PCDH15: variants seen among roughly 807,000 people sequenced by gnomAD.
PCDH15 encodes protocadherin-15.
In PCDH15, 129 loss-of-function variants were observed where a neutral mutation model predicts 178.5. The observed-to-expected ratio is 0.72, with a 90% CI of 0.63 to 0.84. The LOEUF is 0.84. PCDH15 is among the 40% of genes least tolerant of loss of function. The probability of loss-of-function intolerance (pLI) is 0.00; values close to 1 mark genes in which losing one functional copy is unlikely to be tolerated. For synonymous variants in PCDH15, 800 were observed against 732.0 expected, an observed-to-expected ratio of 1.09 and a Z score of -1.50; for missense variants, 2,230 against 2,099.9, an observed-to-expected ratio of 1.06 and a Z score of -1.21.
intron 2 of PCDH15, among the ~76,000 whole-genome samples, chr10:54,565,998 C>T (rs982388209): frequency 6.6e-6 from 1 of 152,112 alleles, no homozygotes; most frequent in Non-Finnish European, 1.5e-5. Context: ...GCAGTAGAAT[C>T]GTTTGAAACT....
chr10:54,502,141 T>C (rs962114852), intron 3 of PCDH15, among the ~76,000 whole-genome samples: 2 of 152,082 alleles, frequency 1.3e-5, no homozygotes, highest in Non-Finnish European at 2.9e-5. Flanking sequence ...AATTCAAACA[T>C]TTGGTCAAGC....
At chr10:54,381,064 GA>G (rs558098416) in intron 3 of PCDH15, among the ~76,000 whole-genome samples, 9 of 137,268 alleles carry the variant, frequency 6.6e-5, no homozygotes, top group African/African-American at 1.1e-4. Context: ...TTGCCAAAAA[GA>G]AAAAAAAAAG....
chr10:55,455,995 T>G (rs1380151437), intron 2 of PCDH15, among the ~76,000 whole-genome samples: 2 of 152,134 alleles, frequency 1.3e-5, no homozygotes, highest in Non-Finnish European at 1.5e-5. Context: ...CTTGATTTAG[T>G]ATTATAACAG....
intron 25 of PCDH15, among the ~76,000 whole-genome samples, chr10:53,912,159 C>T (rs771966688): frequency 3.9e-5 from 6 of 152,126 alleles, no homozygotes; most frequent in African/African-American, 7.2e-5. Flanking sequence ...AATCAATAAA[C>T]GTAATCCATC....
intron 25 of PCDH15, among the ~76,000 whole-genome samples, chr10:53,911,351 G>C (rs953436955): frequency 6.6e-6 from 1 of 152,174 alleles, no homozygotes; most frequent in Non-Finnish European, 1.5e-5. Context: ...ACCTGCTCCT[G>C]AACGACTACT....
At chr10:55,518,779 C>A (rs1010369433) in intron 2 of PCDH15, among the ~76,000 whole-genome samples, 9 of 151,888 alleles carry the variant, frequency 5.9e-5, no homozygotes, top group Admixed American at 4.6e-4. Flanking sequence ...CTGATAAACT[C>A]TCCCACCCTG....
chr10:55,123,160 T>C (rs1178349467), intron 2 of PCDH15, among the ~76,000 whole-genome samples: 1 of 149,252 alleles, frequency 6.7e-6, no homozygotes, highest in East Asian at 1.9e-4. Flanking sequence ...ATTTGGTTAG[T>C]AAAATTAATT....
At chr10:55,042,653 G>A (rs1840893702) in intron 2 of PCDH15, among the ~76,000 whole-genome samples, 2 of 151,888 alleles carry the variant, frequency 1.3e-5, no homozygotes, top group South Asian at 4.1e-4. Context: ...CAAGTCAAAG[G>A]GATATATATA....
At chr10:54,012,293 G>T (rs1339975291) in intron 20 of PCDH15, among the ~76,000 whole-genome samples, 1 of 152,128 alleles carries the variant, frequency 6.6e-6, no homozygotes, top group African/African-American at 2.4e-5. Context: ...ATGGGATTAT[G>T]TGAAGAGACC....
chr10:54,562,199 C>A lies in PCDH15; in HGVS notation c.92-34322G>T, dbSNP rs184035543. 2.7e-5 allele frequency among the ~76,000 whole-genome samples: 4 copies of A among 150,870 alleles called. No individual in the cohort carries two copies. The East Asian group carries it at 6.0e-4, about 23-fold the overall frequency. On this transcript the variant is annotated intron_variant, in intron 2 of 37. Transcript: ENST00000644397. ...AGAAATGAGGTTTCACCATGTTTGC[C>A]AGGCTGGTCTCAAACTCTTGACCTC...
intron 3 of PCDH15, among the ~76,000 whole-genome samples, chr10:54,863,571 GT>G (rs1424606661): frequency 7.2e-5 from 11 of 152,242 alleles, no homozygotes; most frequent in South Asian, 2.1e-4. Flanking sequence ...ACTGAATGTT[GT>G]TCTACAAAAC....
intron 2 of PCDH15, among the ~76,000 whole-genome samples, chr10:55,366,474 C>T (rs1366501891): frequency 1.3e-5 from 2 of 152,036 alleles, no homozygotes; most frequent in Non-Finnish European, 2.9e-5. Context: ...TTCTTTTTTA[C>T]TTCTCTAGAT....
chr10:54,466,670 G>T (rs1207542685), intron 3 of PCDH15, among the ~76,000 whole-genome samples: 1 of 151,572 alleles, frequency 6.6e-6, no homozygotes, highest in East Asian at 1.9e-4. Context: ...CCTCTTTATG[G>T]GTTCTACATA....
intron 15 of PCDH15, among the ~76,000 whole-genome samples, chr10:54,093,234 C>A (rs2094632169): frequency 6.6e-6 from 1 of 151,968 alleles, no homozygotes; most frequent in African/African-American, 2.4e-5. Flanking sequence ...GAGGTTATGC[C>A]CATATTGGAA....
intron 26 of PCDH15, among the ~76,000 whole-genome samples, chr10:53,867,859 A>G (rs1397337107): frequency 6.6e-6 from 1 of 152,166 alleles, no homozygotes; most frequent in Admixed American, 6.5e-5. Flanking sequence ...TAGAGTTAGA[A>G]TACTATCCGA....
chr10:54,843,524 C>A (rs569397796), intron 3 of PCDH15, among the ~76,000 whole-genome samples: 4 of 151,978 alleles, frequency 2.6e-5, no homozygotes, highest in African/African-American at 9.6e-5. Context: ...ATTTTTATGT[C>A]CTGAGAGACA....
chr10:54,605,746 A>G (rs765148761), intron 2 of PCDH15: 1 of 152,170 alleles, frequency 6.6e-6, no homozygotes, highest in Non-Finnish European at 1.5e-5. Context: ...GAAAAGAACT[A>G]TGGCAAATGT....
intron 2 of PCDH15, among the ~76,000 whole-genome samples, chr10:54,589,786 C>T (rs996958736): frequency 3.3e-5 from 5 of 152,018 alleles, no homozygotes; most frequent in East Asian, 1.9e-4. Context: ...TTAGTAGAGA[C>T]GGGCTTTCAC....
At chr10:55,412,220 T>C (rs1285176463) in intron 2 of PCDH15, among the ~76,000 whole-genome samples, 1 of 152,064 alleles carries the variant, frequency 6.6e-6, no homozygotes, top group Admixed American at 6.6e-5. Context: ...GGTCTCTCAC[T>C]GAATGGAGGG....
Sources: allele counts gnomAD v4.1 joint callset (sites outside exome capture counted in the v4.1 genomes callset), GRCh38; gene constraint gnomAD v4.1.1; transcripts MANE v1.5; gene names NCBI Gene and HGNC (gene_info 2026-07-23, HGNC 2026-07-21).